Variants in CALN1 observed in about 807,000 individuals in gnomAD.
CALN1 encodes the protein calcium-binding protein 8.
CALN1 carries 17 observed loss-of-function variants against 30.6 expected under a neutral mutation model. That is an observed-to-expected ratio of 0.56 (90% confidence interval 0.38 to 0.83). The LOEUF (loss-of-function observed/expected upper bound fraction) is 0.83, where lower values mean the gene tolerates loss of function less well. Ranked by LOEUF, CALN1 falls within the 40% of genes least tolerant of loss-of-function variation. The pLI, the probability that CALN1 is intolerant of heterozygous loss-of-function variation, is 0.00. For missense variants in CALN1, 291 were observed against 354.9 expected, an observed-to-expected ratio of 0.82 and a Z score of 1.45; for synonymous variants, 156 against 131.4, an observed-to-expected ratio of 1.19 and a Z score of -1.28.
At chr7:72,364,427 G>A (rs1257851330) in intron 2 of CALN1, among the ~76,000 whole-genome samples, 1 of 152,142 alleles carries the variant, frequency 6.6e-6, no homozygotes. Context: ...ACTAATTCTG[G>A]AGAAGAAATA....
chr7:72,237,850 A>C (rs889012749), intron 3 of CALN1, among the ~76,000 whole-genome samples: 1 of 152,224 alleles, frequency 6.6e-6, no homozygotes, highest in South Asian at 2.1e-4. Flanking sequence ...CATGTTTAAC[A>C]AGGAGTGCCC....
chr7:71,798,617 T>C (rs1274474894), intron 6 of CALN1, among the ~76,000 whole-genome samples: 1 of 143,638 alleles, frequency 7.0e-6, no homozygotes, highest in African/African-American at 2.6e-5. Flanking sequence ...GTAAGAGTCT[T>C]TTTTTTTTTT....
At chr7:72,064,739 G>A (rs925202419) in intron 4 of CALN1, among the ~76,000 whole-genome samples, 1 of 152,106 alleles carries the variant, frequency 6.6e-6, no homozygotes, top group African/African-American at 2.4e-5. Flanking sequence ...TGCACAACCA[G>A]TAAGTATAAT....
At chr7:72,317,158 AGCAGGGG>A (rs1800539225) in intron 2 of CALN1, among the ~76,000 whole-genome samples, 1 of 107,028 alleles carries the variant, frequency 9.3e-6, no homozygotes, top group African/African-American at 3.6e-5. Flanking sequence ...GGAAGAAGGG[AGCAGGGG>A]AGGGAGGGAG....
At chr7:72,328,823 G>A (rs545325742) in intron 2 of CALN1, among the ~76,000 whole-genome samples, 5 of 152,154 alleles carry the variant, frequency 3.3e-5, no homozygotes, top group Non-Finnish European at 5.9e-5. Context: ...AGCCTCCCAA[G>A]GAGCTGGGAT....
chr7:72,424,360 G>A (rs753577535), intron 1 of CALN1, among the ~76,000 whole-genome samples: 1 of 152,112 alleles, frequency 6.6e-6, no homozygotes, highest in Non-Finnish European at 1.5e-5. Context: ...CATAACATCT[G>A]GGGCTTTTAC....
intron 5 of CALN1, among the ~76,000 whole-genome samples, chr7:72,014,936 A>C (rs1207462623): frequency 6.6e-6 from 1 of 152,226 alleles, no homozygotes; most frequent in African/African-American, 2.4e-5. Flanking sequence ...TGCTGGGATT[A>C]CAGGCGTGAG....
intron 4 of CALN1, among the ~76,000 whole-genome samples, chr7:72,041,576 G>A (rs113054443): frequency 0.029 from 4,428 of 152,046 alleles, 202 homozygotes; most frequent in African/African-American, 0.098. Context: ...TAGAGACAGC[G>A]TTTCATCATG....
intron 3 of CALN1, among the ~76,000 whole-genome samples, chr7:72,154,270 C>A (rs539943722): frequency 3.9e-5 from 6 of 151,940 alleles, no homozygotes; most frequent in Non-Finnish European, 8.8e-5. Flanking sequence ...TTATGGACAC[C>A]TTGTCCAGCG....
At chr7:72,024,634 A>G (rs147528940) in intron 4 of CALN1, among the ~76,000 whole-genome samples, 2 of 152,128 alleles carry the variant, frequency 1.3e-5, no homozygotes, top group Admixed American at 1.3e-4. Context: ...CCTGACCTCA[A>G]GTGATCCGCC....
chr7:71,889,855 C>T (rs981648977), intron 5 of CALN1, among the ~76,000 whole-genome samples: 2 of 151,966 alleles, frequency 1.3e-5, no homozygotes, highest in African/African-American at 2.4e-5. Flanking sequence ...TGTAATCCTA[C>T]TCTGGAGGCT....
intron 3 of CALN1, among the ~76,000 whole-genome samples, chr7:72,231,980 T>C (rs1186445638): frequency 6.6e-6 from 1 of 152,088 alleles, no homozygotes; most frequent in Non-Finnish European, 1.5e-5. Context: ...GACAGTGCAT[T>C]GAGAAGGAGC....
chr7:72,344,849 T>A (rs1466909196), intron 2 of CALN1, among the ~76,000 whole-genome samples: 1 of 147,540 alleles, frequency 6.8e-6, no homozygotes, highest in Non-Finnish European at 1.5e-5. Context: ...TATAAGTATA[T>A]ATAGCATATA....
the CALN1 span, among the ~76,000 whole-genome samples, chr7:72,473,485 T>C: frequency 1.3e-5 from 2 of 152,170 alleles, no homozygotes; most frequent in African/African-American, 4.8e-5. Flanking sequence ...TTGGCTGATA[T>C]CACCATCGAA....
chr7:72,087,476 A>G (rs1039936017), intron 4 of CALN1, among the ~76,000 whole-genome samples: 4 of 152,200 alleles, frequency 2.6e-5, no homozygotes, highest in African/African-American at 9.6e-5. Context: ...GCAACTGCCC[A>G]GCTCTAAAAC....
At chr7:72,197,682 T>C (rs1268418617) in intron 3 of CALN1, among the ~76,000 whole-genome samples, 1 of 151,734 alleles carries the variant, frequency 6.6e-6, no homozygotes, top group African/African-American at 2.4e-5. Context: ...AATAAATAAA[T>C]AAATAAACAA....
chr7:72,014,237 C>G (rs1283172028), intron 5 of CALN1, among the ~76,000 whole-genome samples: 2 of 151,950 alleles, frequency 1.3e-5, no homozygotes, highest in Non-Finnish European at 2.9e-5. Context: ...CAGATGTGCG[C>G]CACCACGCCC....
intron 5 of CALN1, among the ~76,000 whole-genome samples, chr7:71,883,160 CAT>C (rs1792687809): frequency 6.6e-6 from 1 of 152,106 alleles, no homozygotes; most frequent in South Asian, 2.1e-4. Flanking sequence ...CATCTATACA[CAT>C]ATACACACAT....
At chr7:72,407,876 T>A (rs1806812064) in intron 1 of CALN1, among the ~76,000 whole-genome samples, 1 of 151,200 alleles carries the variant, frequency 6.6e-6, no homozygotes. Context: ...GCTCAGAGAG[T>A]CAAGCTGGAA....
Sources: gnomAD v4.1 joint callset for allele counts (sites outside exome capture counted in the v4.1 genomes callset) on GRCh38, gnomAD v4.1.1 for gene constraint, MANE v1.5 for transcripts, NCBI Gene and HGNC (gene_info 2026-07-23, HGNC 2026-07-21) for gene names.